Variants in DNAH11 observed in about 807,000 individuals in gnomAD.
DNAH11 encodes the protein dynein axonemal heavy chain 11.
Under a neutral mutation model 526.0 loss-of-function variants are expected in DNAH11, and 442 were observed. That is an observed-to-expected ratio of 0.84 (90% CI 0.78 to 0.91). The LOEUF (loss-of-function observed/expected upper bound fraction) is 0.91. Ranked by LOEUF, DNAH11 falls within the 40% of genes least tolerant of loss-of-function variation. The pLI is 0.00. For synonymous variants in DNAH11, 2,461 were observed against 1,935.9 expected (o/e 1.27, Z -7.12); for missense variants, 6,989 against 5,448.7 (o/e 1.28, Z -8.90).
chr7:21,699,726 A>G (rs559875863), intron 36 of DNAH11, among the ~76,000 whole-genome samples: 13 of 150,124 alleles, frequency 8.7e-5, no homozygotes, highest in African/African-American at 2.7e-4. Context: ...TAATTTTATC[A>G]TGGTAACAAG....
At chr7:21,578,559 G>A (rs1354392792) in intron 8 of DNAH11, among the ~76,000 whole-genome samples, 4 of 152,126 alleles carry the variant, frequency 2.6e-5, no homozygotes, top group African/African-American at 7.2e-5. Context: ...CCCATTCTGG[G>A]GTCTGGAGGA....
chr7:21,818,167 A>C, intron 64 of DNAH11, 50 bp from the exon 65 acceptor site: 2 of 1,575,848 alleles, frequency 1.3e-6, no homozygotes, highest in Non-Finnish European at 8.6e-7. Context: ...AATTTTGAAC[A>C]TTTTGTGCCA....
chr7:21,841,567 G>C (rs1322531736), intron 65 of DNAH11, among the ~76,000 whole-genome samples: 2 of 151,778 alleles, frequency 1.3e-5, no homozygotes, highest in East Asian at 3.9e-4. Context: ...TGTTAGGTGA[G>C]CTGGAATGTC....
At position 21,746,346 on chromosome 7, in the gene DNAH11, G is replaced by A. The variant is rs577105236; in HGVS notation, c.8510+1283G>A. ...AGGCTGAGTGTGGTGGCTCACACCTGTAATCCCAGCACTTTGGGAGGCTGA... is the reference window on the plus strand; with the variant it reads ...AGGCTGAGTGTGGTGGCTCACACCTATAATCCCAGCACTTTGGGAGGCTGA... On this transcript the variant is annotated intron_variant, in intron 51 of 81. Coordinates refer to ENST00000409508, the MANE Select transcript of DNAH11 (RefSeq NM_001277115.2). Among the ~76,000 whole-genome samples, 4 of 151,868 alleles carry A rather than the reference G, an allele frequency of 2.6e-5. No homozygotes were observed. The South Asian group carries it at 8.3e-4, about 32-fold the overall frequency.
Position 21,874,727 on chromosome 7 carries a change from A to G in DNAH11, c.12195+1226A>G, listed in dbSNP as rs1783640098. 2.0e-5 allele frequency among the ~76,000 whole-genome samples: 3 copies of G among 151,822 alleles called. No homozygotes were observed. In the South Asian group the frequency reaches 6.2e-4, roughly 31 times the overall value. On this transcript the variant is annotated intron_variant, in intron 74 of 81. Coordinates refer to ENST00000409508, the MANE Select transcript of DNAH11 (RefSeq NM_001277115.2). ...TATATGATATATATATGATACCTTTATTACCATTACTCTTTTTACCCAAAC... is the reference window on the plus strand; with the variant it reads ...TATATGATATATATATGATACCTTTGTTACCATTACTCTTTTTACCCAAAC...
chr7:21,739,196 G>T (rs1374075274), intron 47 of DNAH11, among the ~76,000 whole-genome samples: 1 of 152,136 alleles, frequency 6.6e-6, no homozygotes, highest in Non-Finnish European at 1.5e-5. Flanking sequence ...ATCTTGTTTG[G>T]CAGGGTGTAA....
rs1432574471 is a variant in DNAH11 at position 21,638,935 on chromosome 7, G to A, written c.4818-4G>A. The A allele has an allele frequency of 6.2e-7, 1 of 1,600,030 alleles. No individual in the cohort carries two copies. Among genetic ancestry groups the A allele is most frequent in the Non-Finnish European group, 8.5e-7 (1 of 1,175,566 alleles). Reference sequence around the variant, plus strand: ...ATGCTTAAAAACATTTTTCATTCATGTAGGCTTTCTCTTTGTGAAAAAGCT... The same window carrying A: ...ATGCTTAAAAACATTTTTCATTCATATAGGCTTTCTCTTTGTGAAAAAGCT... On this transcript the variant is annotated splice_polypyrimidine_tract_variant and splice_region_variant and intron_variant, in intron 27 of 81. Coordinates refer to ENST00000409508, the MANE Select transcript of DNAH11 (RefSeq NM_001277115.2).
chr7:21,851,511 C>T (rs567928373), intron 66 of DNAH11: 36 of 470,744 alleles, frequency 7.6e-5, no homozygotes, highest in African/African-American at 7.2e-4. Flanking sequence ...ACAGAAAGTT[C>T]TGGACATATT....
chr7:21,646,425 T>A lies in DNAH11; in HGVS notation c.4944+7360T>A, dbSNP rs993987019. On this transcript the variant is annotated intron_variant, in intron 28 of 81. Coordinates refer to ENST00000409508, the MANE Select transcript of DNAH11 (RefSeq NM_001277115.2). ...AAATGGAGTGAGCACTATGATTGTC[T>A]CAGTTTTCTGTCCTGAGAGAGTTTC... Among the ~76,000 whole-genome samples, 3 of 152,180 alleles carry A rather than the reference T, an allele frequency of 2.0e-5. No homozygotes were observed. The South Asian group carries it at 6.2e-4, about 31-fold the overall frequency.
At chr7:21,689,286 A>G (rs1429258257) in intron 34 of DNAH11, among the ~76,000 whole-genome samples, 1 of 152,220 alleles carries the variant, frequency 6.6e-6, no homozygotes, top group Non-Finnish European at 1.5e-5. Flanking sequence ...ATGGAGATTT[A>G]TGTAACTGAT....
rs547916784 is a variant in DNAH11, at chr7:21,620,173, G to A, written c.4500+95G>A. 7.7e-5 allele frequency: 82 copies of A among 1,069,278 alleles called. No individual in the cohort carries two copies. In the Middle Eastern group the frequency reaches 1.5e-3, roughly 19 times the overall value. The allele number at this position is 1,069,278 out of a possible 1,614,324, so 66.2% of individuals were successfully genotyped here. A position where few individuals can be genotyped will look rare whatever the true frequency, so the allele number is the denominator to read the frequency against. ...GGTACCATGTGATGTTTTGATGTAT[G>A]TTTACAATGTGGAAAGATTAAATCA... On this transcript the variant is annotated intron_variant, in intron 25 of 81. Transcript: ENST00000409508.
intron 65 of DNAH11, among the ~76,000 whole-genome samples, chr7:21,822,866 G>A (rs1562566860): frequency 6.6e-6 from 1 of 150,856 alleles, no homozygotes; most frequent in Non-Finnish European, 1.5e-5. Context: ...ATAATGTTGG[G>A]CACATTTCAT....
chr7:21,695,936 A>C (rs910126773), intron 35 of DNAH11, among the ~76,000 whole-genome samples: 2 of 152,224 alleles, frequency 1.3e-5, no homozygotes, highest in African/African-American at 4.8e-5. Context: ...ATGAACAGAC[A>C]CTTCTCAAAA....
chr7:21,813,233 C>A (rs577979230), intron 63 of DNAH11, among the ~76,000 whole-genome samples: 2 of 152,256 alleles, frequency 1.3e-5, no homozygotes, highest in East Asian at 3.9e-4. Flanking sequence ...TAGGCAAGTT[C>A]AAGGCAGCCT....
chr7:21,835,454 T>A (rs1446230228), intron 65 of DNAH11, among the ~76,000 whole-genome samples: 4 of 152,136 alleles, frequency 2.6e-5, no homozygotes, highest in African/African-American at 9.7e-5. Context: ...CAAGAGTGGT[T>A]CAACATACAC....
intron 61 of DNAH11, among the ~76,000 whole-genome samples, chr7:21,795,471 G>A (rs567872232): frequency 4.6e-5 from 7 of 152,204 alleles, no homozygotes; most frequent in South Asian, 2.1e-4. Flanking sequence ...CCTAACATGC[G>A]AACTCTCATT....
At chr7:21,714,342 A>T (rs1784571245) in intron 42 of DNAH11, among the ~76,000 whole-genome samples, 3 of 152,192 alleles carry the variant, frequency 2.0e-5, no homozygotes, top group Admixed American at 6.5e-5. Context: ...CAAATAATTC[A>T]TCCAGGTCAT....
At chr7:21,667,429 T>C (rs535834583) in intron 30 of DNAH11, among the ~76,000 whole-genome samples, 2 of 152,298 alleles carry the variant, frequency 1.3e-5, no homozygotes, top group Non-Finnish European at 2.9e-5. Flanking sequence ...TCATAATTTG[T>C]AAGTGAATAG....
intron 8 of DNAH11, among the ~76,000 whole-genome samples, chr7:21,579,927 A>G (rs1784249290): frequency 1.3e-5 from 2 of 152,214 alleles, no homozygotes; most frequent in Non-Finnish European, 2.9e-5. Flanking sequence ...GGAGGATAGT[A>G]GAGAGACTCC....
Sources: gnomAD v4.1 joint callset for allele counts (sites outside exome capture counted in the v4.1 genomes callset) on GRCh38, gnomAD v4.1.1 for gene constraint, MANE v1.5 for transcripts, NCBI Gene and HGNC (gene_info 2026-07-23, HGNC 2026-07-21) for gene names.